CUL5: variants seen among roughly 807,000 people sequenced by gnomAD.
CUL5 encodes cullin-5.
A neutral mutation model predicts 108.8 loss-of-function variants in CUL5; 26 were observed. The ratio of observed to expected loss-of-function variants is 0.24; its 90% CI spans 0.18 to 0.33. The LOEUF is 0.33. CUL5 is among the 10% of genes least tolerant of loss of function. The pLI is 1.00. For synonymous variants in CUL5, 334 were observed against 298.0 expected (o/e 1.12, Z -1.25); for missense variants, 524 against 909.2 (o/e 0.58, Z 5.45).
chr11:108,066,256 A>G (rs1407999393), intron 7 of CUL5, among the ~76,000 whole-genome samples: 2 of 152,078 alleles, frequency 1.3e-5, no homozygotes, highest in Admixed American at 6.6e-5. Flanking sequence ...GGCGGGAGAA[A>G]TGGTGTGAAC....
intron 7 of CUL5, among the ~76,000 whole-genome samples, chr11:108,066,097 T>A (rs1339534384): frequency 1.3e-5 from 2 of 152,182 alleles, no homozygotes; most frequent in South Asian, 4.1e-4. Context: ...TCCCAGCACT[T>A]TGGGAGGCTG....
intron 13 of CUL5, 72 bp from the exon 14 acceptor site, chr11:108,094,319 A>G: frequency 2.7e-6 from 3 of 1,126,894 alleles, no homozygotes; most frequent in Non-Finnish European, 3.8e-6. Context: ...TAGTTTTTCT[A>G]TTAAAATTTT....
chr11:108,077,811 G>C (rs1405253673), intron 10 of CUL5, among the ~76,000 whole-genome samples: 1 of 151,882 alleles, frequency 6.6e-6, no homozygotes, highest in East Asian at 1.9e-4. Context: ...CTGATGTAGT[G>C]GTGGGCACCT....
chr11:108,040,276 C>T (rs938848878), intron 2 of CUL5, among the ~76,000 whole-genome samples: 2 of 152,040 alleles, frequency 1.3e-5, no homozygotes, highest in South Asian at 2.1e-4. Flanking sequence ...GGCCAGAGTT[C>T]GAGACCAGCC....
In CUL5 at chr11:108,095,614, C is replaced by G; in HGVS notation, c.1828C>G (p.Pro610Ala). 1 of 1,613,874 alleles carries G rather than the reference C, an allele frequency of 6.2e-7. No individual in the cohort carries two copies. Among genetic ancestry groups the G allele is most frequent in the Non-Finnish European group, 8.5e-7 (1 of 1,179,848 alleles). Residue 610 changes from proline (P) to alanine (A), a missense_variant, in exon 16 of 19, where the codon CCC (proline) becomes GCC (alanine). Pro to Ala is a conservative substitution (Grantham distance 27). Coordinates refer to ENST00000393094, the MANE Select transcript of CUL5 (RefSeq NM_003478.6). Reference protein sequence around the residue: ...LAVLFAWNQRPREKISFENLK... With the variant: ...LAVLFAWNQRAREKISFENLK... ...TGTATTGTTTGCATGGAACCAAAGACCCAGAGAGAAAATCAGCTTTGAAAA... is the reference window on the plus strand; with the variant it reads ...TGTATTGTTTGCATGGAACCAAAGAGCCAGAGAGAAAATCAGCTTTGAAAA...
At chr11:108,058,719 C>T (rs905845535) in intron 7 of CUL5, among the ~76,000 whole-genome samples, 1 of 151,964 alleles carries the variant, frequency 6.6e-6, no homozygotes, top group African/African-American at 2.4e-5. Context: ...TTGTGAAGAT[C>T]TGAGACAGTT....
At chr11:108,094,340 A>T in intron 13 of CUL5, 51 bp from the exon 14 acceptor site, 1 of 1,357,510 alleles carries the variant, frequency 7.4e-7, no homozygotes, top group Non-Finnish European at 1.0e-6. Context: ...TCCCAGTAAT[A>T]TATCAGATTA....
chr11:108,036,894 A>G (rs1862759163), intron 2 of CUL5, among the ~76,000 whole-genome samples: 1 of 152,160 alleles, frequency 6.6e-6, no homozygotes, highest in African/African-American at 2.4e-5. Flanking sequence ...GTAGGGAGGA[A>G]CTGCAGGCAG....
intron 7 of CUL5, 71 bp downstream of exon 7, chr11:108,055,026 C>A: frequency 4.7e-6 from 5 of 1,054,734 alleles, no homozygotes; most frequent in Non-Finnish European, 5.6e-6. Context: ...GGCAAATAAA[C>A]AACATAAATA....
In CUL5 at chr11:108,104,309, A is replaced by G. The variant is rs201838611; in HGVS notation, c.2268A>G (p.Gln756=). ...CACAAAAGAAAATGATAAAAGAGCAAATAGAGTGGCTAATAGAGCACAAAT... is the reference window on the plus strand; with the variant it reads ...CACAAAAGAAAATGATAAAAGAGCAGATAGAGTGGCTAATAGAGCACAAAT... The part of the protein sequence containing the change: ...FLPQKKMIKE[Q]IEWLIEHKYI... The change falls in exon 19 of 19, where the codon CAA becomes CAG. Residue 756 remains glutamine (Q), a synonymous_variant. Coordinates refer to ENST00000393094, the MANE Select transcript of CUL5 (RefSeq NM_003478.6). The G allele has an allele frequency of 7.5e-5, 120 of 1,610,674 alleles. 1 individual carries two copies. The highest frequency in any genetic ancestry group is 4.2e-6 in the Non-Finnish European group (5 of 1,178,814).
At chr11:108,074,368 T>C (rs1337670833) in intron 10 of CUL5, among the ~76,000 whole-genome samples, 3 of 151,650 alleles carry the variant, frequency 2.0e-5, no homozygotes, top group Non-Finnish European at 2.9e-5. Flanking sequence ...CTAATTTTTG[T>C]ATTTTTACTA....
At chr11:108,063,007 G>A (rs1484334258) in intron 7 of CUL5, among the ~76,000 whole-genome samples, 2 of 151,922 alleles carry the variant, frequency 1.3e-5, no homozygotes, top group Non-Finnish European at 2.9e-5. Flanking sequence ...CACCACGCCC[G>A]GCTAATTTTG....
intron 2 of CUL5, among the ~76,000 whole-genome samples, chr11:108,035,133 ACAC>A (rs1862700835): frequency 6.6e-6 from 1 of 152,198 alleles, no homozygotes; most frequent in Non-Finnish European, 1.5e-5. Context: ...AGAAAGGCAA[ACAC>A]AAGTCAGTAG....
chr11:108,011,718 C>T (rs1862062115), intron 1 of CUL5, among the ~76,000 whole-genome samples: 1 of 152,020 alleles, frequency 6.6e-6, no homozygotes, highest in Non-Finnish European at 1.5e-5. Flanking sequence ...ACTTCCGCCT[C>T]CCGGGTTCAA....
At chr11:108,103,145 A>C (rs1471863791) in intron 18 of CUL5, among the ~76,000 whole-genome samples, 2 of 152,232 alleles carry the variant, frequency 1.3e-5, no homozygotes, top group Admixed American at 6.5e-5. Context: ...GGAAAAGGTA[A>C]AAGAGAAAAG....
intron 11 of CUL5, chr11:108,084,773 C>T (rs535790435): frequency 4.1e-4 from 62 of 152,290 alleles, no homozygotes; most frequent in Middle Eastern, 3.4e-3. Context: ...TGAGCTATCA[C>T]TTCATACCCA....
chr11:108,025,559 A>G (rs1862432419), intron 1 of CUL5, among the ~76,000 whole-genome samples: 1 of 151,712 alleles, frequency 6.6e-6, no homozygotes, highest in African/African-American at 2.4e-5. Flanking sequence ...CTTTCTGTGG[A>G]CTCTACCCAA....
At chr11:108,049,277 T>G (rs991032964) in intron 3 of CUL5, among the ~76,000 whole-genome samples, 22 of 152,192 alleles carry the variant, frequency 1.4e-4, no homozygotes, top group African/African-American at 5.3e-4. Context: ...TTTCTCTTTA[T>G]GGCTGAATAA....
intron 7 of CUL5, among the ~76,000 whole-genome samples, chr11:108,058,256 T>TC (rs1331000412): frequency 6.9e-6 from 1 of 145,912 alleles, no homozygotes; most frequent in Non-Finnish European, 1.5e-5. Flanking sequence ...TTTTTTTTTT[T>TC]TTTTTTTTTT....
Sources: gnomAD v4.1 joint callset for allele counts (sites outside exome capture counted in the v4.1 genomes callset) on GRCh38, gnomAD v4.1.1 for gene constraint, MANE v1.5 for transcripts, NCBI Gene and HGNC (gene_info 2026-07-23, HGNC 2026-07-21) for gene names.